The following PRP4K variants were observed in gnomAD, a reference collection of about 807,000 sequenced individuals.
PRP4K encodes pre-mRNA processing factor kinase PRP4K.
chr6:4,032,380 G>C, the PRP4K span: 5 of 1,614,046 alleles, frequency 3.1e-6, no homozygotes, highest in Non-Finnish European at 4.2e-6. Context: ...AGTCGCGATC[G>C]AGGTAAAAAA....
the PRP4K span, chr6:4,060,737 A>G: frequency 1.1e-6 from 1 of 887,566 alleles, no homozygotes; most frequent in African/African-American, 1.7e-5. The surrounding 1 kb of genome is among the most constrained non-coding windows in gnomAD (Gnocchi z 4.7). Flanking sequence ...AGCATGATAT[A>G]TTTGAATTAA....
the PRP4K span, chr6:4,049,166 G>T: frequency 7.1e-7 from 1 of 1,402,382 alleles, no homozygotes. Flanking sequence ...AAAGCATGCT[G>T]CTTGATGCAA....
chr6:4,046,787 A>G, the PRP4K span, among the ~76,000 whole-genome samples: 2 of 151,450 alleles, frequency 1.3e-5, no homozygotes, highest in Non-Finnish European at 2.9e-5. Flanking sequence ...CCTCCCAAGT[A>G]GCTTGGATTA....
the PRP4K span, chr6:4,058,644 A>T: frequency 1.0e-6 from 1 of 971,904 alleles, no homozygotes; most frequent in Non-Finnish European, 1.6e-6. Flanking sequence ...TAACATACTT[A>T]TTTGACTTAT....
At chr6:4,062,868 G>A in the PRP4K span, 2 of 152,466 alleles carry the variant, frequency 1.3e-5, no homozygotes, top group Non-Finnish European at 2.9e-5. This position sits in a 1 kb window ranked among gnomAD's most constrained non-coding sequence, Gnocchi z 4.2. Context: ...TATTTATTTC[G>A]GTGATAATAT....
At chr6:4,035,899 A>G in the PRP4K span, among the ~76,000 whole-genome samples, 1 of 152,080 alleles carries the variant, frequency 6.6e-6, no homozygotes, top group Non-Finnish European at 1.5e-5. Flanking sequence ...CGGGAGACAG[A>G]GGTTGCAGTG....
the PRP4K span, chr6:4,037,352 T>A: frequency 6.8e-7 from 1 of 1,463,444 alleles, no homozygotes; most frequent in Non-Finnish European, 9.1e-7. Flanking sequence ...AAAAATCATT[T>A]ACTTTGATTT....
chr6:4,038,513 G>A, the PRP4K span, among the ~76,000 whole-genome samples: 6 of 151,096 alleles, frequency 4.0e-5, no homozygotes, highest in East Asian at 1.9e-4. Flanking sequence ...GGCTGGTCTC[G>A]AACTCCTGAC....
the PRP4K span, among the ~76,000 whole-genome samples, chr6:4,054,656 G>T: frequency 5.9e-5 from 9 of 152,166 alleles, no homozygotes; most frequent in South Asian, 1.0e-3. Flanking sequence ...ACAGGCAGGG[G>T]CCACCACGCC....
chr6:4,042,633 G>T, the PRP4K span: 1 of 1,278,710 alleles, frequency 7.8e-7, no homozygotes, highest in Non-Finnish European at 1.1e-6. Flanking sequence ...TAACAAAAAT[G>T]TAGCATTAAT....
chr6:4,053,931 G>A, the PRP4K span, among the ~76,000 whole-genome samples: 1 of 65,402 alleles, frequency 1.5e-5, no homozygotes, highest in Non-Finnish European at 3.1e-5. Context: ...TTGTTTTGAG[G>A]TAAGGTCTTG....
chr6:4,052,077 G>A, the PRP4K span: 4 of 1,590,818 alleles, frequency 2.5e-6, no homozygotes, highest in Non-Finnish European at 2.6e-6. Context: ...ATCTTTGTCT[G>A]GTATTCGAGC....
At chr6:4,042,838 T>G in the PRP4K span, among the ~76,000 whole-genome samples, 1 of 152,226 alleles carries the variant, frequency 6.6e-6, no homozygotes, top group Non-Finnish European at 1.5e-5. Flanking sequence ...AAGTTTGCTT[T>G]CTTTTTAAGT....
the PRP4K span, chr6:4,031,508 T>C: frequency 7.6e-7 from 1 of 1,311,296 alleles, no homozygotes; most frequent in Non-Finnish European, 1.0e-6. Flanking sequence ...TATGGCTCTT[T>C]GAATACTTGA....
At chr6:4,047,152 C>T in the PRP4K span, 1 of 1,575,082 alleles carries the variant, frequency 6.3e-7, no homozygotes, top group Non-Finnish European at 8.7e-7. Flanking sequence ...ACTTTTCAAA[C>T]ATTAATGCTA....
the PRP4K span, among the ~76,000 whole-genome samples, chr6:4,029,926 T>C: frequency 1.3e-5 from 2 of 151,696 alleles, no homozygotes; most frequent in Non-Finnish European, 2.9e-5. Context: ...GGTTTTGTAA[T>C]CTGTTTTCTT....
At chr6:4,051,938 A>ATT in the PRP4K span, 1,045 of 1,122,698 alleles carry the variant, frequency 9.3e-4, no homozygotes, top group Non-Finnish European at 1.1e-3. Context: ...TTTTACCCCA[A>ATT]TTTTTTTTTT....
chr6:4,062,815 A>C, the PRP4K span: 1 of 152,658 alleles, frequency 6.6e-6, no homozygotes, highest in Non-Finnish European at 1.5e-5. The surrounding 1 kb of genome is among the most constrained non-coding windows in gnomAD (Gnocchi z 4.2). Context: ...TCACAGGTGC[A>C]GCTATTCTAC....
At chr6:4,023,976 C>T in the PRP4K span, among the ~76,000 whole-genome samples, 1 of 151,822 alleles carries the variant, frequency 6.6e-6, no homozygotes, top group East Asian at 1.9e-4. Context: ...AAGCAGTTCT[C>T]CTGCCTCAGC....
Sources: allele counts gnomAD v4.1 joint callset (sites outside exome capture counted in the v4.1 genomes callset), GRCh38; gene constraint gnomAD v4.1.1; non-coding constraint Gnocchi (gnomAD v3.1); transcripts MANE v1.5; gene names NCBI Gene and HGNC (gene_info 2026-07-23, HGNC 2026-07-21).